Variants in PKHD1 observed in about 807,000 individuals in gnomAD.
The protein encoded by PKHD1 is fibrocystin.
Under a neutral mutation model 412.0 loss-of-function variants are expected in PKHD1, and 291 were observed. The observed-to-expected ratio is 0.71, with a 90% confidence interval of 0.64 to 0.78. PKHD1 has a LOEUF of 0.78. Ranked by LOEUF, PKHD1 falls within the 30% of genes least tolerant of loss-of-function variation. PKHD1 has a pLI of 0.00. For missense variants in PKHD1, 4,825 were observed against 4,950.7 expected (o/e 0.97, Z 0.76); for synonymous variants, 1,777 against 1,821.5 (o/e 0.98, Z 0.62).
At chr6:51,692,670 C>A (rs537554758) in intron 60 of PKHD1, among the ~76,000 whole-genome samples, 1 of 152,274 alleles carries the variant, frequency 6.6e-6, no homozygotes, top group East Asian at 1.9e-4. Context: ...CATCAACTGA[C>A]AGATGCATAA....
chr6:51,912,393 GTATCCTGCACAGTTTCCA>G lies in PKHD1; in HGVS notation c.6287_6304del (p.Val2096_Thr2102delinsAla). On this transcript the variant is annotated inframe_deletion, in exon 38 of 67. Transcript: ENST00000371117. The stretch of plus-strand genomic sequence containing the variant: ...CAAAGGTGACTTAAGATAGAGGTCT[GTATCCTGCACAGTTTCCA>G]CAGTGACAATCTCTTCCATCGGTTT... 6.2e-7 allele frequency: 1 copy of G among 1,612,232 alleles called. No individual in the cohort carries two copies.
At position 51,681,367 on chromosome 6, in the gene PKHD1, C is replaced by A. The variant is rs114544634; in HGVS notation, c.10157-21398G>T. Among the ~76,000 whole-genome samples the A allele has an allele frequency of 2.5e-3, 377 of 152,110 alleles. 2 individuals carry two copies. The highest frequency in any genetic ancestry group is 8.8e-3 in the African/African-American group (365 of 41,542). On this transcript the variant is annotated intron_variant, in intron 60 of 66. Coordinates refer to ENST00000371117, the MANE Select transcript of PKHD1 (RefSeq NM_138694.4). ...AACCCTGAATAAACACAGGCCTTAGCAATGTCATGTTTGGTTGACCAACCA... is the reference window on the plus strand; with the variant it reads ...AACCCTGAATAAACACAGGCCTTAGAAATGTCATGTTTGGTTGACCAACCA...
intron 43 of PKHD1, among the ~76,000 whole-genome samples, chr6:51,894,106 G>A (rs1184402381): frequency 2.0e-5 from 3 of 152,208 alleles, no homozygotes; most frequent in Non-Finnish European, 2.9e-5. Context: ...GAAAGATGCA[G>A]CCTCTTGACA....
Position 51,816,722 on chromosome 6 carries a change from A to G in PKHD1, c.8302+14139T>C, listed in dbSNP as rs543915044. ...ATGCTAAGCTGTAACCAATCTGGCC[A>G]TTTCTGTACCTCATTCCTATTTTCT... On this transcript the variant is annotated intron_variant, in intron 52 of 66. Coordinates refer to ENST00000371117, the MANE Select transcript of PKHD1 (RefSeq NM_138694.4). Among the ~76,000 whole-genome samples, 10 of 152,298 alleles carry G rather than the reference A, an allele frequency of 6.6e-5. 1 individual carries two copies. The South Asian group carries it at 2.1e-3, about 32-fold the overall frequency.
chr6:51,949,370 T>G (rs774594168), intron 36 of PKHD1, among the ~76,000 whole-genome samples: 97 of 152,162 alleles, frequency 6.4e-4, no homozygotes, highest in Admixed American at 2.2e-3. Context: ...TAAGGAGAGC[T>G]GGCTGAGTGA....
At chr6:52,000,499 GA>G (rs1416588051) in intron 35 of PKHD1, among the ~76,000 whole-genome samples, 1 of 152,044 alleles carries the variant, frequency 6.6e-6, no homozygotes, top group African/African-American at 2.4e-5. Context: ...TATTTATTTA[GA>G]AAAAAATAAT....
At chr6:51,710,402 AAACAT>A (rs1407765188) in intron 60 of PKHD1, among the ~76,000 whole-genome samples, 8 of 152,158 alleles carry the variant, frequency 5.3e-5, no homozygotes, top group African/African-American at 1.9e-4. Context: ...AAATAAAATT[AAACAT>A]AAAATATCAT....
chr6:51,836,520 T>C, intron 50 of PKHD1, 51 bp from the exon 51 acceptor site: 1 of 1,264,500 alleles, frequency 7.9e-7, no homozygotes. Context: ...CATCTTAATA[T>C]TAAAGACAGT....
At chr6:51,720,893 G>T in intron 60 of PKHD1, 1 of 645,224 alleles carries the variant, frequency 1.5e-6, no homozygotes, top group Non-Finnish European at 1.9e-6. Flanking sequence ...TTGGCATACA[G>T]TAAATGCCCA....
intron 53 of PKHD1, among the ~76,000 whole-genome samples, chr6:51,777,187 G>C (rs1185555822): frequency 1.3e-5 from 2 of 152,056 alleles, no homozygotes; most frequent in Non-Finnish European, 2.9e-5. Context: ...ACAATTGCCT[G>C]GTTTTCATCT....
chr6:51,655,968 C>T (rs986289891), intron 61 of PKHD1, among the ~76,000 whole-genome samples: 1 of 152,078 alleles, frequency 6.6e-6, no homozygotes, highest in African/African-American at 2.4e-5. Context: ...TACCATTTGA[C>T]TCAGCAATCC....
intron 61 of PKHD1, among the ~76,000 whole-genome samples, chr6:51,652,054 C>T (rs1048770336): frequency 6.6e-6 from 1 of 152,164 alleles, no homozygotes; most frequent in South Asian, 2.1e-4. Flanking sequence ...TTTCCAACTG[C>T]TAATGTGACT....
At chr6:52,058,244 C>T (rs962443737) in intron 16 of PKHD1, 79 bp downstream of exon 16, 1 of 1,447,056 alleles carries the variant, frequency 6.9e-7, no homozygotes, top group African/African-American at 1.4e-5. Flanking sequence ...GGTCGCCAGA[C>T]TCCCAGTCAG....
At chr6:51,786,035 A>G (rs189499103) in intron 53 of PKHD1, among the ~76,000 whole-genome samples, 1 of 152,270 alleles carries the variant, frequency 6.6e-6, no homozygotes, top group Admixed American at 6.5e-5. Flanking sequence ...ACATTAACTA[A>G]TTTACTTTTT....
intron 45 of PKHD1, 139 bp from the exon 46 acceptor site, chr6:51,883,366 T>A (rs1156421683): frequency 1.7e-5 from 13 of 753,804 alleles, no homozygotes; most frequent in Non-Finnish European, 1.8e-5. Context: ...TCAATGTCAG[T>A]ATAGGCATCC....
At chr6:51,625,786 G>T (rs552840369) in intron 66 of PKHD1, among the ~76,000 whole-genome samples, 4 of 152,280 alleles carry the variant, frequency 2.6e-5, no homozygotes, top group Admixed American at 1.3e-4. Context: ...AATACGAAGA[G>T]CTATTCAGAT....
intron 49 of PKHD1, among the ~76,000 whole-genome samples, chr6:51,848,872 A>G (rs940702249): frequency 8.0e-5 from 12 of 150,902 alleles, no homozygotes; most frequent in Non-Finnish European, 1.5e-4. Flanking sequence ...GTTTAAAAAT[A>G]TGGAAAAATG....
chr6:52,054,759 C>G (rs952449643), intron 19 of PKHD1, among the ~76,000 whole-genome samples: 1 of 152,188 alleles, frequency 6.6e-6, no homozygotes, highest in Non-Finnish European at 1.5e-5. Context: ...TAGCACTTCC[C>G]CAGTTGCAAC....
intron 64 of PKHD1, among the ~76,000 whole-genome samples, chr6:51,638,474 A>G: frequency 6.6e-6 from 1 of 152,154 alleles, no homozygotes; most frequent in East Asian, 1.9e-4. Context: ...GGGGTTGAGG[A>G]GGACAGGACC....
Sources: gnomAD v4.1 joint callset for allele counts (sites outside exome capture counted in the v4.1 genomes callset) on GRCh38, gnomAD v4.1.1 for gene constraint, MANE v1.5 for transcripts, NCBI Gene and HGNC (gene_info 2026-07-23, HGNC 2026-07-21) for gene names.